The following UST variants were observed in gnomAD, a reference collection of about 807,000 sequenced individuals.
UST encodes chondroitin sulfate 2-O-sulfotransferase.
In UST, 21 loss-of-function variants were observed where a neutral mutation model predicts 45.6. The observed-to-expected ratio is 0.46, with a 90% CI of 0.33 to 0.66. The LOEUF (loss-of-function observed/expected upper bound fraction) is 0.66, where lower values mean the gene tolerates loss of function less well. Among genes scored for constraint, UST ranks in the 30% least tolerant of loss-of-function variants. UST has a pLI of 0.02. For missense variants in UST, 463 were observed against 512.4 expected (o/e 0.90, Z 0.93); for synonymous variants, 215 against 200.6 (o/e 1.07, Z -0.61).
chr6:148,960,503 G>A (rs1312152733), intron 4 of UST, among the ~76,000 whole-genome samples: 2 of 152,204 alleles, frequency 1.3e-5, no homozygotes, highest in East Asian at 3.8e-4. Context: ...TTCCAGGCCA[G>A]AGGCTAAAAA....
rs1233212333 is a variant in UST at position 149,076,677 on chromosome 6, T to TAA, written c.*2566_*2567dup. Reference sequence around the variant, plus strand: ...ATTGTACATTTTACATAGTTTAATTTAAAAAATACCTTTTAAGCTAGTTGA... The same window carrying TAA: ...ATTGTACATTTTACATAGTTTAATTTAAAAAAAATACCTTTTAAGCTAGTTGA... On this transcript the variant is annotated 3_prime_UTR_variant, in exon 8 of 8. Transcript: ENST00000367463. 6.6e-6 allele frequency: 1 copy of TAA among 152,658 alleles called. No individual in the cohort carries two copies. Among genetic ancestry groups the TAA allele is most frequent in the Admixed American group, 6.5e-5 (1 of 15,286 alleles). 9.5% of individuals were successfully genotyped at this position (152,658 alleles called of 1,614,324 possible). A position where few individuals can be genotyped will look rare whatever the true frequency, so the allele number is the denominator to read the frequency against.
chr6:149,072,648 C>A (rs1776835797), intron 7 of UST, among the ~76,000 whole-genome samples: 2 of 95,132 alleles, frequency 2.1e-5, no homozygotes, highest in African/African-American at 4.6e-5. Flanking sequence ...AGCAAAACTC[C>A]ATCTCAAAAA....
chr6:149,044,820 A>G (rs1051527047), intron 7 of UST, among the ~76,000 whole-genome samples: 7 of 152,242 alleles, frequency 4.6e-5, no homozygotes, highest in Admixed American at 3.9e-4. Context: ...AAATAGCAAA[A>G]AGCTCTTCCA....
At chr6:149,038,077 T>C (rs1317906941) in intron 7 of UST, among the ~76,000 whole-genome samples, 1 of 152,098 alleles carries the variant, frequency 6.6e-6, no homozygotes, top group Non-Finnish European at 1.5e-5. Flanking sequence ...TAAAACTGGT[T>C]CCTTTTTGAC....
intron 1 of UST, among the ~76,000 whole-genome samples, chr6:148,862,436 C>G (rs2114802104): frequency 6.6e-6 from 1 of 152,292 alleles, no homozygotes; most frequent in African/African-American, 2.4e-5. Context: ...ACTGATGGGT[C>G]TTGACTCTTT....
chr6:148,783,674 CT>C (rs1467585777), intron 1 of UST, among the ~76,000 whole-genome samples: 3 of 152,156 alleles, frequency 2.0e-5, no homozygotes, highest in Non-Finnish European at 2.9e-5. Flanking sequence ...TAGAGATGAA[CT>C]TGTCTGGTGA....
At chr6:148,873,572 G>A (rs1212464983) in intron 1 of UST, among the ~76,000 whole-genome samples, 1 of 152,214 alleles carries the variant, frequency 6.6e-6, no homozygotes, top group Non-Finnish European at 1.5e-5. Flanking sequence ...GATCTCACAA[G>A]CCTGCCGTGG....
At chr6:148,942,027 C>G (rs996532286) in intron 3 of UST, among the ~76,000 whole-genome samples, 1 of 152,010 alleles carries the variant, frequency 6.6e-6, no homozygotes, top group African/African-American at 2.4e-5. Context: ...CTGTCCTCTA[C>G]CAAGAAGCTA....
At chr6:149,016,799 C>T (rs370954221) in intron 5 of UST, among the ~76,000 whole-genome samples, 133 of 152,338 alleles carry the variant, frequency 8.7e-4, no homozygotes, top group African/African-American at 3.1e-3. Context: ...ATCTCGACCT[C>T]AGCAGATGAA....
intron 5 of UST, chr6:148,990,474 G>A (rs1179279032): frequency 1.0e-5 from 8 of 792,412 alleles, no homozygotes; most frequent in Middle Eastern, 6.4e-4. Flanking sequence ...CCTCTTTAAC[G>A]TGACACCAGT....
At chr6:148,838,655 G>A (rs549854056) in intron 1 of UST, among the ~76,000 whole-genome samples, 1 of 152,164 alleles carries the variant, frequency 6.6e-6, no homozygotes, top group African/African-American at 2.4e-5. Flanking sequence ...AGCACTTTGG[G>A]ACCCCAAGGT....
intron 1 of UST, among the ~76,000 whole-genome samples, chr6:148,828,095 AGTCAAATATGTTGACTTCT>A (rs1300703703): frequency 2.0e-5 from 3 of 152,112 alleles, no homozygotes; most frequent in Admixed American, 1.3e-4. Context: ...ATTTGACAGA[AGTCAAATATGTTGACTTCT>A]GTCAAATATA....
chr6:148,907,274 A>C (rs1582890359), intron 2 of UST, among the ~76,000 whole-genome samples: 1 of 152,204 alleles, frequency 6.6e-6, no homozygotes, highest in Non-Finnish European at 1.5e-5. Flanking sequence ...TACTGCATTT[A>C]AGATAAGAAA....
chr6:149,059,567 T>C (rs973335837), intron 7 of UST, among the ~76,000 whole-genome samples: 4 of 152,234 alleles, frequency 2.6e-5, no homozygotes, highest in African/African-American at 9.6e-5. Flanking sequence ...CTTCTCCCTT[T>C]ATTGTGTACT....
rs577795594 is a variant in UST at position 149,058,251 on chromosome 6, C to T, written c.938-15582C>T. 2.6e-4 allele frequency among the ~76,000 whole-genome samples: 39 copies of T among 151,912 alleles called. No individual in the cohort carries two copies. In the South Asian group the frequency reaches 4.6e-3, roughly 18 times the overall value. On this transcript the variant is annotated intron_variant, in intron 7 of 7. Coordinates refer to ENST00000367463, the MANE Select transcript of UST (RefSeq NM_005715.3). ...ACCATCTGTGGAGTGCCCAGAGTGA[C>T]GGTGTCAGCAACTGGCTTTAACATC...
At chr6:148,855,692 A>G (rs1258472044) in intron 1 of UST, among the ~76,000 whole-genome samples, 1 of 152,192 alleles carries the variant, frequency 6.6e-6, no homozygotes, top group Non-Finnish European at 1.5e-5. Flanking sequence ...AGAAATCTGC[A>G]TTTTTTCACC....
intron 2 of UST, among the ~76,000 whole-genome samples, chr6:148,919,633 G>C (rs1779663842): frequency 6.6e-6 from 1 of 152,152 alleles, no homozygotes; most frequent in Non-Finnish European, 1.5e-5. Context: ...GAACCCAAAA[G>C]TTTTCAAAAT....
intron 1 of UST, among the ~76,000 whole-genome samples, chr6:148,789,745 C>T (rs1291289831): frequency 1.3e-5 from 2 of 151,694 alleles, no homozygotes; most frequent in Non-Finnish European, 2.9e-5. Flanking sequence ...TTACAGGTGC[C>T]CACCACCACA....
chr6:149,045,667 A>G (rs967192025), intron 7 of UST, among the ~76,000 whole-genome samples: 2 of 152,202 alleles, frequency 1.3e-5, no homozygotes, highest in Non-Finnish European at 2.9e-5. Flanking sequence ...TCTCATATAC[A>G]GAACATCTCT....
Sources: gnomAD v4.1 joint callset for allele counts (sites outside exome capture counted in the v4.1 genomes callset) on GRCh38, gnomAD v4.1.1 for gene constraint, MANE v1.5 for transcripts, NCBI Gene and HGNC (gene_info 2026-07-23, HGNC 2026-07-21) for gene names.